The following MPZ variants were observed in gnomAD, a reference collection of about 807,000 sequenced individuals.
The protein encoded by MPZ is myelin protein zero, also known as myelin protein P0.
MPZ carries 13 observed loss-of-function variants against 27.9 expected under a neutral mutation model. That is an observed-to-expected ratio of 0.47 (90% CI 0.30 to 0.74). The LOEUF (loss-of-function observed/expected upper bound fraction) is 0.74. Ranked by LOEUF, MPZ falls within the 30% of genes least tolerant of loss-of-function variation. The probability of loss-of-function intolerance (pLI) is 0.06; values close to 1 mark genes in which losing one functional copy is unlikely to be tolerated. For missense variants in MPZ, 256 were observed against 317.5 expected (o/e 0.81, Z 1.47); for synonymous variants, 118 against 128.9 (o/e 0.92, Z 0.57).
rs773724920 is a variant in MPZ at position 161,307,277 on chromosome 1, C to G, written c.215G>C (p.Gly72Ala). 3 of 1,614,256 alleles carry G rather than the reference C, an allele frequency of 1.9e-6. No homozygotes were observed. The highest frequency in any genetic ancestry group is 1.7e-6 in the Non-Finnish European group (2 of 1,180,050). ...ISFTWRYQPE[G>A]GRDAISIFHY... ...ACTCACCGAAATGGCATCTCTGCCC[C>G]CTTCGGGCTGGTAGCGCCAGGTGAA... Residue 72 changes from glycine to alanine, a missense_variant, in exon 2 of 6, where the codon GGG (glycine) becomes GCG (alanine). Physicochemically the swap from Gly to Ala is moderately conservative, Grantham distance 60 (BLOSUM62 0). Transcript: ENST00000533357.
rs371856018 is a variant in MPZ at position 161,307,376 on chromosome 1, T to C, written c.116A>G (p.His39Arg). The change falls in exon 2 of 6, where the codon CAT becomes CGT. Residue 39 changes from histidine to arginine, a missense_variant. His to Arg is a conservative substitution (Grantham distance 29). Transcript: ENST00000533357. ...GGTCACCCGGGAGCCCACAGCACCATGGACCTCCCTGTCGGTGTAAACCAC... is the reference window on the plus strand; with the variant it reads ...GGTCACCCGGGAGCCCACAGCACCACGGACCTCCCTGTCGGTGTAAACCAC... ...AIVVYTDREVHGAVGSRVTLH... is the reference protein window; with the variant it reads ...AIVVYTDREVRGAVGSRVTLH... 3.1e-6 allele frequency: 5 copies of C among 1,614,256 alleles called. No individual in the cohort carries two copies. Among genetic ancestry groups the C allele is most frequent in the East Asian group, 4.5e-5 (2 of 44,890 alleles).
rs1670236572 is a variant in MPZ at position 161,306,165 on chromosome 1, A to G, written c.588T>C (p.Ala196=). Residue 196 remains alanine (A), a synonymous_variant, in exon 5 of 6, where the codon GCT becomes GCC. Coordinates refer to ENST00000533357, the MANE Select transcript of MPZ (RefSeq NM_000530.8). ...RQAALQRRLS[A]MEKGKLHKPG... ...GCTTGTGCAATTTCCCCTTCTCCAT[A>G]GCACTGCAAGAAGAGAGACTGCTGT... 1.2e-6 allele frequency: 2 copies of G among 1,614,106 alleles called. No homozygotes were observed. Among genetic ancestry groups the G allele is most frequent in the Non-Finnish European group, 1.7e-6 (2 of 1,180,014 alleles).
intron 1 of MPZ, among the ~76,000 whole-genome samples, chr1:161,308,082 T>C (rs1284789134): frequency 6.6e-6 from 1 of 152,228 alleles, no homozygotes; most frequent in Non-Finnish European, 1.5e-5. Flanking sequence ...TGTTGATTCA[T>C]AGATATCAAT....
chr1:161,308,821 C>G (rs1403640145), intron 1 of MPZ, among the ~76,000 whole-genome samples: 1 of 152,152 alleles, frequency 6.6e-6, no homozygotes, highest in East Asian at 1.9e-4. Flanking sequence ...CTATTTCCCT[C>G]ACTATGCCCT....
chr1:161,307,232 ACCCCAGGATTC>A lies in MPZ; in HGVS notation c.234+15_234+25del. 1.2e-6 allele frequency: 2 copies of A among 1,614,016 alleles called. No individual in the cohort carries two copies. The highest frequency in any genetic ancestry group is 1.7e-6 in the Non-Finnish European group (2 of 1,179,986). Reference sequence around the variant, plus strand: ...TCTTTGAAGCACTTTCTGTTATCCAACCCCAGGATTCCCCCAGGCACTCACCGAAATGGCAT... The same window carrying A: ...TCTTTGAAGCACTTTCTGTTATCCAACCCCAGGCACTCACCGAAATGGCAT... On this transcript the variant is annotated intron_variant, in intron 2 of 5. Coordinates refer to ENST00000533357, the MANE Select transcript of MPZ (RefSeq NM_000530.8).
Position 161,307,339 on chromosome 1 carries a change from G to A in MPZ, c.153C>T (p.Ser51=), listed in dbSNP as rs750132156. 6.2e-7 allele frequency: 1 copy of A among 1,614,282 alleles called. No homozygotes were observed. Among genetic ancestry groups the A allele is most frequent in the South Asian group, 1.1e-5 (1 of 91,092 alleles). Residue 51 remains serine, a synonymous_variant, in exon 2 of 6, where the codon TCC becomes TCT. Coordinates refer to ENST00000533357, the MANE Select transcript of MPZ (RefSeq NM_000530.8). ...AVGSRVTLHC[S]FWSSEWVSDD... ...CTGAGACCCACTCACTGGACCAGAAGGAGCAGTGCAGGGTCACCCGGGAGC... is the reference window on the plus strand; with the variant it reads ...CTGAGACCCACTCACTGGACCAGAAAGAGCAGTGCAGGGTCACCCGGGAGC...
At position 161,305,831 on chromosome 1, in the gene MPZ, G is replaced by C. The variant is rs1307273032; in HGVS notation, c.*45C>G. ...TGACCATCACCTTTGGGCCTTTGGCGGACTCCACCCCTAACCCCCGATCCC... is the reference window on the plus strand; with the variant it reads ...TGACCATCACCTTTGGGCCTTTGGCCGACTCCACCCCTAACCCCCGATCCC... On this transcript the variant is annotated 3_prime_UTR_variant, in exon 6 of 6. Transcript: ENST00000533357. 1 of 1,419,948 alleles carries C rather than the reference G, an allele frequency of 7.0e-7. No homozygotes were observed. The highest frequency in any genetic ancestry group is 9.9e-7 in the Non-Finnish European group (1 of 1,013,624). 88.0% of individuals were successfully genotyped at this position (1,419,948 alleles called of 1,614,324 possible).
chr1:161,305,101 A>C lies in MPZ; in HGVS notation c.*775T>G, dbSNP rs1670197871. 1 of 152,968 alleles carries C rather than the reference A, an allele frequency of 6.5e-6. No homozygotes were observed. The highest frequency in any genetic ancestry group is 2.4e-5 in the African/African-American group (1 of 41,504). The allele number at this position is 152,968 out of a possible 1,614,324, so 9.5% of individuals were successfully genotyped here. A position where few individuals can be genotyped will look rare whatever the true frequency, so the allele number is the denominator to read the frequency against. On this transcript the variant is annotated 3_prime_UTR_variant, in exon 6 of 6. Transcript: ENST00000533357. ...TGGGCTGGCTCTTCATTAAGGACTTAAGGGGGGCGTGAATTGCAAAAGCCA... is the reference window on the plus strand; with the variant it reads ...TGGGCTGGCTCTTCATTAAGGACTTCAGGGGGGCGTGAATTGCAAAAGCCA...
intron 2 of MPZ, 118 bp downstream of exon 2, chr1:161,307,140 G>A: frequency 7.3e-7 from 1 of 1,364,726 alleles, no homozygotes. Flanking sequence ...CATTTACCTT[G>A]CCAAAGTTGG....
At position 161,306,148 on chromosome 1, in the gene MPZ, A is replaced by G. The variant is rs1236188308; in HGVS notation, c.605T>C (p.Leu202Ser). ...RRLSAMEKGK[L>S]HKPGKDASKR... is the part of the protein sequence containing the mutation. ...CGACGCGTCCTTTCCTGGCTTGTGC[A>G]ATTTCCCCTTCTCCATAGCACTGCA... The change falls in exon 5 of 6, where the codon TTG becomes TCG. Residue 202 changes from leucine to serine, a missense_variant. This residue lies in a region of MPZ where 101 missense variants were observed against 93.6 expected (regional missense o/e 1.08). Transcript: ENST00000533357. 1 of 1,614,152 alleles carries G rather than the reference A, an allele frequency of 6.2e-7. No homozygotes were observed. Among genetic ancestry groups the G allele is most frequent in the African/African-American group, 1.3e-5 (1 of 75,022 alleles).
Position 161,306,807 on chromosome 1 carries a change from G to A in MPZ, c.349C>T (p.Leu117=). Residue 117 remains leucine (L), a synonymous_variant, in exon 3 of 6, where the codon CTA becomes TTA. Transcript: ENST00000533357. ...WKDGSIVIHN[L]DYSDNGTFTC... is the part of the protein sequence containing the mutation. ...AACGTGCCATTGTCACTGTAGTCTA[G>A]GTTGTGTATGACAATGGAGCCATCC... 1.2e-6 allele frequency: 2 copies of A among 1,614,010 alleles called. No homozygotes were observed. Among genetic ancestry groups the A allele is most frequent in the Non-Finnish European group, 1.7e-6 (2 of 1,179,990 alleles).
chr1:161,306,339 T>A lies in MPZ; in HGVS notation c.574A>T (p.Arg192Trp), dbSNP rs904905280. 1.2e-6 allele frequency: 2 copies of A among 1,614,164 alleles called. No individual in the cohort carries two copies. Among genetic ancestry groups the A allele is most frequent in the Admixed American group, 3.3e-5 (2 of 60,022 alleles). ...GGCTCCGCCCCTTACCTGAGCCTCC[T>A]CTGCAGGGCCGCCTGCCTGCGTAGC... Reference protein sequence around the residue: ...CWLRRQAALQRRLSAMEKGKL... With the variant: ...CWLRRQAALQWRLSAMEKGKL... The change falls in exon 4 of 6, where the codon AGG becomes TGG. Residue 192 changes from arginine to tryptophan, a missense_variant. This residue lies in a region of MPZ where 101 missense variants were observed against 93.6 expected (regional missense o/e 1.08). Coordinates refer to ENST00000533357, the MANE Select transcript of MPZ (RefSeq NM_000530.8).
At chr1:161,307,220 T>G (rs1670281521) in intron 2 of MPZ, 38 bp downstream of exon 2, 11 of 1,613,638 alleles carry the variant, frequency 6.8e-6, no homozygotes, top group Non-Finnish European at 9.3e-6. Flanking sequence ...TTGAAGCACT[T>G]TCTGTTATCC....
In MPZ at chr1:161,306,184, C is replaced by T; in HGVS notation, c.585-16G>A. The T allele has an allele frequency of 6.2e-7, 1 of 1,614,166 alleles. No homozygotes were observed. The highest frequency in any genetic ancestry group is 8.5e-7 in the Non-Finnish European group (1 of 1,179,996). On this transcript the variant is annotated splice_polypyrimidine_tract_variant and intron_variant, in intron 4 of 5. Transcript: ENST00000533357. ...CTCCATAGCACTGCAAGAAGAGAGA[C>T]TGCTGTACGTTTGGCCTCGCCGGAA...
At chr1:161,306,279 G>A (rs1166981177) in intron 4 of MPZ, 50 bp downstream of exon 4, 1 of 1,613,436 alleles carries the variant, frequency 6.2e-7, no homozygotes, top group South Asian at 1.1e-5. Context: ...TCTCCGCCCA[G>A]ATGGGGGATA....
In MPZ at chr1:161,307,271, C is replaced by A; in HGVS notation, c.221G>T (p.Arg74Ile). 10 of 1,614,270 alleles carry A rather than the reference C, an allele frequency of 6.2e-6. No homozygotes were observed. The highest frequency in any genetic ancestry group is 7.6e-6 in the Non-Finnish European group (9 of 1,180,046). ...CCAGGCACTCACCGAAATGGCATCTCTGCCCCCTTCGGGCTGGTAGCGCCA... is the reference window on the plus strand; with the variant it reads ...CCAGGCACTCACCGAAATGGCATCTATGCCCCCTTCGGGCTGGTAGCGCCA... ...FTWRYQPEGG[R>I]DAISIFHYAK... The change falls in exon 2 of 6, where the codon AGA becomes ATA. Residue 74 changes from arginine to isoleucine, a missense_variant. Arg to Ile is a moderately conservative substitution (Grantham distance 97, BLOSUM62 -3). This residue lies in a region of MPZ where 155 missense variants were observed against 223.9 expected (regional missense o/e 0.69). Transcript: ENST00000533357.
chr1:161,306,183 A>G lies in MPZ; in HGVS notation c.585-15T>C, dbSNP rs1454238612. On this transcript the variant is annotated splice_polypyrimidine_tract_variant and intron_variant, in intron 4 of 5. Coordinates refer to ENST00000533357, the MANE Select transcript of MPZ (RefSeq NM_000530.8). ...TCTCCATAGCACTGCAAGAAGAGAG[A>G]CTGCTGTACGTTTGGCCTCGCCGGA... 19 of 1,614,044 alleles carry G rather than the reference A, an allele frequency of 1.2e-5. No individual in the cohort carries two copies. The highest frequency in any genetic ancestry group is 3.3e-5 in the South Asian group (3 of 91,086).
At chr1:161,306,614 G>A (rs999082228) in intron 3 of MPZ, 94 bp downstream of exon 3, 3 of 1,554,626 alleles carry the variant, frequency 1.9e-6, no homozygotes, top group Non-Finnish European at 2.7e-6. Flanking sequence ...AAGGTCCTTA[G>A]GCCGGGCTTT....
rs746370285 is a variant in MPZ, at chr1:161,305,896, A to G, written c.727T>C (p.Ser243Pro). 2 of 1,612,026 alleles carry G rather than the reference A, an allele frequency of 1.2e-6. No individual in the cohort carries two copies. Among genetic ancestry groups the G allele is most frequent in the Non-Finnish European group, 1.7e-6 (2 of 1,179,478 alleles). The change falls in exon 6 of 6, where the codon TCT (serine) becomes CCT (proline). Residue 243 changes from serine (S) to proline (P), a missense_variant. By Grantham distance (74) the Ser-to-Pro change is moderately conservative (BLOSUM62 -1). Transcript: ENST00000533357. ...AACCGCTATTTCTTATCCTTGCGAG[A>G]CTCCCCCAGCCCCTTGGCCTTCTTC... ...SEKKAKGLGE[S>P]RKDKK
Sources: gnomAD v4.1 joint callset for allele counts (sites outside exome capture counted in the v4.1 genomes callset) on GRCh38, gnomAD v4.1.1 for gene constraint, gnomAD v4.1.1 regional missense constraint, MANE v1.5 for transcripts, NCBI Gene and HGNC (gene_info 2026-07-23, HGNC 2026-07-21) for gene names.